Variants in INTS3 observed in about 807,000 individuals in gnomAD.
INTS3 encodes SOSS complex subunit A.
INTS3 carries 34 observed loss-of-function variants against 146.3 expected under a neutral mutation model. The ratio of observed to expected loss-of-function variants is 0.23; its 90% CI spans 0.18 to 0.31. INTS3 has a LOEUF of 0.31. Among genes scored for constraint, INTS3 ranks in the 10% least tolerant of loss-of-function variants. The pLI, the probability that INTS3 is intolerant of heterozygous loss-of-function variation, is 1.00. For synonymous variants in INTS3, 475 were observed against 494.9 expected (o/e 0.96, Z 0.53); for missense variants, 757 against 1,304.2 (o/e 0.58, Z 6.46).
At chr1:153,736,423 T>A (rs570420339) in intron 1 of INTS3, among the ~76,000 whole-genome samples, 44 of 151,654 alleles carry the variant, frequency 2.9e-4, no homozygotes, top group Non-Finnish European at 4.4e-4. Flanking sequence ...AGGATAATGG[T>A]AAAGGAGAAG....
intron 3 of INTS3, among the ~76,000 whole-genome samples, chr1:153,742,474 A>G (rs1046157008): frequency 6.4e-4 from 42 of 65,580 alleles, no homozygotes; most frequent in Non-Finnish European, 1.1e-3. Flanking sequence ...GGGTTTTTTA[A>G]TCTCTGTGTG....
chr1:153,762,717 T>G lies in INTS3; in HGVS notation c.1517-11T>G. The G allele has an allele frequency of 6.2e-7, 1 of 1,614,168 alleles. No homozygotes were observed. The highest frequency in any genetic ancestry group is 8.5e-7 in the Non-Finnish European group (1 of 1,180,010). Reference sequence around the variant, plus strand: ...AGGCCATTAAATGCCTTATCTTTTTTTACTCCCAAGTCAAAATTGAGGAGC... The same window carrying G: ...AGGCCATTAAATGCCTTATCTTTTTGTACTCCCAAGTCAAAATTGAGGAGC... On this transcript the variant is annotated splice_polypyrimidine_tract_variant and intron_variant, in intron 14 of 29. Coordinates refer to ENST00000318967, the MANE Select transcript of INTS3 (RefSeq NM_023015.5).
chr1:153,767,619 C>G, intron 20 of INTS3, 55 bp from the exon 21 acceptor site: 5 of 1,500,698 alleles, frequency 3.3e-6, no homozygotes, highest in Non-Finnish European at 4.5e-6. Context: ...TTCGGGGATG[C>G]TTGAAGGTGG....
intron 9 of INTS3, among the ~76,000 whole-genome samples, chr1:153,755,985 A>G (rs1672145983): frequency 6.6e-6 from 1 of 151,998 alleles, no homozygotes; most frequent in Non-Finnish European, 1.5e-5. Context: ...GGTTGCGATA[A>G]GCCAAGATTG....
At chr1:153,760,210 G>A (rs929143845) in intron 11 of INTS3, 101 bp from the exon 12 acceptor site, 9 of 797,662 alleles carry the variant, frequency 1.1e-5, no homozygotes, top group Non-Finnish European at 1.8e-5. Context: ...TCCAGCCTGG[G>A]TGACAGAGCA....
Position 153,773,302 on chromosome 1 carries a change from G to T in INTS3, c.*32G>T. The T allele has an allele frequency of 6.3e-7, 1 of 1,583,844 alleles. No homozygotes were observed. The highest frequency in any genetic ancestry group is 1.3e-5 in the African/African-American group (1 of 74,364). On this transcript the variant is annotated 3_prime_UTR_variant, in exon 30 of 30. Transcript: ENST00000318967. ...GCATTCCCCATCCCACCCCCGGCTG[G>T]ACTGCCCTCTCCTTCTTGGTGATTC...
chr1:153,741,171 G>T, intron 2 of INTS3, 114 bp from the exon 3 acceptor site: 1 of 776,512 alleles, frequency 1.3e-6, no homozygotes. Flanking sequence ...TTTAAAAGTT[G>T]ATTATTCTCC....
At position 153,772,934 on chromosome 1, in the gene INTS3, T is replaced by C. The variant is rs1672965707; in HGVS notation, c.2904T>C (p.Asp968=). 2 of 1,614,098 alleles carry C rather than the reference T, an allele frequency of 1.2e-6. No individual in the cohort carries two copies. The highest frequency in any genetic ancestry group is 1.7e-6 in the Non-Finnish European group (2 of 1,180,022). The change falls in exon 29 of 30, where the codon GAT becomes GAC. Residue 968 remains aspartate (D), a synonymous_variant. Transcript: ENST00000318967. This position sits in a 1 kb window ranked among gnomAD's most constrained non-coding sequence, Gnocchi z 4.6. Reference sequence around the variant, plus strand: ...CGCTCCTTTTCCTTAGATTCAGTGATCTCTTCTCCCTGGCGGAGGAATATG... The same window carrying C: ...CGCTCCTTTTCCTTAGATTCAGTGACCTCTTCTCCCTGGCGGAGGAATATG... ...CDEAHKMKFS[D]LFSLAEEYED... is the part of the protein sequence containing the mutation.
At chr1:153,747,190 T>A in intron 4 of INTS3, 89 bp from the exon 5 acceptor site, 1 of 1,321,534 alleles carries the variant, frequency 7.6e-7, no homozygotes, top group South Asian at 1.2e-5. Context: ...GTCTAAATTG[T>A]AATGTGCTCC....
At chr1:153,748,360 T>C (rs1277473376) in intron 5 of INTS3, 5 of 348,960 alleles carry the variant, frequency 1.4e-5, no homozygotes, top group Admixed American at 7.9e-5. Flanking sequence ...ATCTGAGATA[T>C]CATCCTTTCT....
intron 15 of INTS3, 77 bp downstream of exon 15, chr1:153,762,924 A>G: frequency 6.4e-7 from 1 of 1,555,860 alleles, no homozygotes; most frequent in Admixed American, 1.8e-5. Context: ...GCCTCTCTGC[A>G]CTCTTCCTGT....
chr1:153,768,796 C>G, intron 21 of INTS3, 97 bp from the exon 22 acceptor site: 2 of 925,370 alleles, frequency 2.2e-6, no homozygotes, highest in South Asian at 1.3e-5. Flanking sequence ...CTGGCTGACC[C>G]AGTCAAACCT....
In INTS3 at chr1:153,758,021, C is replaced by T. The variant is rs1244358077; in HGVS notation, c.1149+258C>T. Among the ~76,000 whole-genome samples the T allele has an allele frequency of 1.3e-5, 2 of 152,162 alleles. 1 individual carries two copies. Among genetic ancestry groups the T allele is most frequent in the African/African-American group, 4.8e-5 (2 of 41,436 alleles). On this transcript the variant is annotated intron_variant, in intron 10 of 29. Coordinates refer to ENST00000318967, the MANE Select transcript of INTS3 (RefSeq NM_023015.5). ...CCCCCAAAAGCCTGGGTTTCTGGAGCGTCCCTGCCTTTTTCATTTTTGCTT... is the reference window on the plus strand; with the variant it reads ...CCCCCAAAAGCCTGGGTTTCTGGAGTGTCCCTGCCTTTTTCATTTTTGCTT...
intron 3 of INTS3, among the ~76,000 whole-genome samples, chr1:153,745,026 A>G (rs1671672660): frequency 1.3e-5 from 2 of 152,162 alleles, no homozygotes; most frequent in Admixed American, 6.5e-5. Flanking sequence ...AAAAATAATT[A>G]TAATAAGTAG....
Position 153,752,290 on chromosome 1 carries a change from T to C in INTS3, c.741T>C (p.Cys247=). 1.2e-6 allele frequency: 2 copies of C among 1,613,706 alleles called. No homozygotes were observed. Among genetic ancestry groups the C allele is most frequent in the Non-Finnish European group, 1.7e-6 (2 of 1,179,646 alleles). ...ISLLRERFME[C]LMIGRDLVRL... The stretch of plus-strand genomic sequence containing the variant: ...TCTTCCCTATCAAGTTCATGGAATG[T>C]CTGATGATTGGTCGGGATCTCGTAA... Residue 247 remains cysteine (C), a synonymous_variant, in exon 8 of 30, where the codon TGT becomes TGC. Transcript: ENST00000318967.
chr1:153,756,705 A>G (rs1217117175), intron 9 of INTS3, among the ~76,000 whole-genome samples: 1 of 151,824 alleles, frequency 6.6e-6, no homozygotes, highest in Admixed American at 6.6e-5. Flanking sequence ...AATCCCAACT[A>G]CTTGGGAGGC....
At chr1:153,761,136 T>A in intron 13 of INTS3, 1 of 1,259,528 alleles carries the variant, frequency 7.9e-7, no homozygotes, top group Non-Finnish European at 1.1e-6. Context: ...ATGTTCCCTG[T>A]TGACCCCCTT....
In INTS3 at chr1:153,773,548, T is replaced by C; in HGVS notation, c.*278T>C. ...CCAGAGGCTCTGTAAAATCAGACCA[T>C]AGTGGAAGTCCTCAGCCCCCTGGCC... On this transcript the variant is annotated 3_prime_UTR_variant, in exon 30 of 30. Coordinates refer to ENST00000318967, the MANE Select transcript of INTS3 (RefSeq NM_023015.5). 1.8e-6 allele frequency: 1 copy of C among 553,862 alleles called. No individual in the cohort carries two copies. Among genetic ancestry groups the C allele is most frequent in the South Asian group, 2.5e-5 (1 of 39,274 alleles). The allele number at this position is 553,862 out of a possible 1,614,324, so 34.3% of individuals were successfully genotyped here.
intron 3 of INTS3, among the ~76,000 whole-genome samples, chr1:153,744,788 G>A (rs1037767573): frequency 2.0e-5 from 3 of 152,160 alleles, no homozygotes; most frequent in Non-Finnish European, 2.9e-5. Flanking sequence ...TGTAATCCCA[G>A]TGTTTTGGGA....
Sources: gnomAD v4.1 joint callset for allele counts (sites outside exome capture counted in the v4.1 genomes callset) on GRCh38, gnomAD v4.1.1 for gene constraint, Gnocchi (gnomAD v3.1) non-coding constraint, MANE v1.5 for transcripts, NCBI Gene and HGNC (gene_info 2026-07-23, HGNC 2026-07-21) for gene names.